POLR1D: variants seen among roughly 807,000 people sequenced by gnomAD.
POLR1D encodes the protein RNA polymerase I and III subunit D, also known as DNA-directed RNA polymerases I and III subunit RPAC2.
A neutral mutation model predicts 10.8 loss-of-function variants in POLR1D; 8 were observed. The observed-to-expected ratio is 0.74, with a 90% CI of 0.43 to 1.33. POLR1D has a LOEUF of 1.33. Among genes scored for constraint, POLR1D ranks in the 40% most tolerant of loss-of-function variants. The probability of loss-of-function intolerance (pLI) is 0.01; values close to 1 mark genes in which losing one functional copy is unlikely to be tolerated. For missense variants in POLR1D, 152 were observed against 161.7 expected (o/e 0.94, Z 0.32); for synonymous variants, 54 against 57.2 (o/e 0.94, Z 0.25).
At chr13:27,652,291 C>G (rs1430003126) in intron 2 of POLR1D, among the ~76,000 whole-genome samples, 1 of 152,214 alleles carries the variant, frequency 6.6e-6, no homozygotes, top group African/African-American at 2.4e-5. Flanking sequence ...ATAAAACTTT[C>G]TGATAGTAAA....
At chr13:27,649,431 T>C (rs1020054309) in intron 2 of POLR1D, among the ~76,000 whole-genome samples, 2 of 152,204 alleles carry the variant, frequency 1.3e-5, no homozygotes, top group African/African-American at 4.8e-5. Context: ...AATTTGACTA[T>C]ATTTCCAAAA....
In POLR1D at chr13:27,621,916, G is replaced by T. The variant is rs543808650; in HGVS notation, c.-68G>T. On this transcript the variant is annotated 5_prime_UTR_variant, in exon 1 of 2. Transcript: ENST00000302979. ...TCCTTGCTTCCTGCTTCGCCTCCGC[G>T]CCTCGCGCTATGGGACAGAGCCCCC... 2 of 1,524,054 alleles carry T rather than the reference G, an allele frequency of 1.3e-6. No homozygotes were observed. The highest frequency in any genetic ancestry group is 1.4e-5 in the African/African-American group (1 of 73,270). The allele number at this position is 1,524,054 out of a possible 1,614,324, so 94.4% of individuals were successfully genotyped here. A position where few individuals can be genotyped will look rare whatever the true frequency, so the allele number is the denominator to read the frequency against.
At chr13:27,651,383 C>T (rs1956266888) in intron 2 of POLR1D, 1 of 152,054 alleles carries the variant, frequency 6.6e-6, no homozygotes, top group African/African-American at 2.4e-5. Flanking sequence ...TCCAAACTAA[C>T]TGTAAAAAGT....
chr13:27,621,865 C>A, upstream of POLR1D: 2 of 1,073,036 alleles, frequency 1.9e-6, no homozygotes, highest in Admixed American at 2.0e-5. Flanking sequence ...TCCCTCCTTC[C>A]GTCCTCCGCG....
chr13:27,666,103 C>CA (rs1022703728), exon 3 of POLR1D: 35 of 680,882 alleles, frequency 5.1e-5, no homozygotes, highest in African/African-American at 9.0e-5. Flanking sequence ...TGGCCACAGG[C>CA]AAAAAAAATG....
downstream of POLR1D, among the ~76,000 whole-genome samples, chr13:27,625,102 G>A (rs1019819497): frequency 1.3e-5 from 2 of 152,146 alleles, no homozygotes; most frequent in Non-Finnish European, 2.9e-5. Flanking sequence ...GAAAACTGGT[G>A]GCATGAGGAA....
chr13:27,666,006 C>T, exon 3 of POLR1D: 10 of 1,556,002 alleles, frequency 6.4e-6, no homozygotes, highest in Non-Finnish European at 8.8e-6. Context: ...CTTCGGGGTG[C>T]GGTGTGCGGA....
chr13:27,634,050 A>C (rs1215782974), intron 1 of POLR1D, among the ~76,000 whole-genome samples: 1 of 152,144 alleles, frequency 6.6e-6, no homozygotes, highest in Admixed American at 6.5e-5. Flanking sequence ...TCTAGACTTG[A>C]TTCTACAGTT....
At chr13:27,665,409 A>G (rs1326987731) in intron 2 of POLR1D, 1 of 470,036 alleles carries the variant, frequency 2.1e-6, no homozygotes, top group Non-Finnish European at 3.9e-6. Flanking sequence ...AGTGTGGTCA[A>G]TACCTGTACA....
At chr13:27,654,632 T>C (rs750458634) in intron 2 of POLR1D, among the ~76,000 whole-genome samples, 35 of 152,234 alleles carry the variant, frequency 2.3e-4, no homozygotes, top group Non-Finnish European at 7.3e-5. Context: ...CCTTGAGGCC[T>C]CCATCATAAT....
chr13:27,623,763 C>T (rs1955978869), downstream of POLR1D, among the ~76,000 whole-genome samples: 1 of 152,084 alleles, frequency 6.6e-6, no homozygotes, highest in South Asian at 2.1e-4. Context: ...GATTGGTAGA[C>T]TTGGCAAGGG....
At position 27,657,044 on chromosome 13, in the gene POLR1D, G is replaced by A. The variant is rs150324930; in HGVS notation, c.101+8591G>A. Among the ~76,000 whole-genome samples, 1,317 of 152,242 alleles carry A rather than the reference G, an allele frequency of 8.7e-3. 8 individuals carry two copies. Among genetic ancestry groups the A allele is most frequent in the Non-Finnish European group, 0.013 (906 of 68,022 alleles). On this transcript the variant is annotated intron_variant, in intron 2 of 2. Coordinates refer to the POLR1D transcript ENST00000399697. ...AGGGAAGGCCATGGGACCCCGTAACGCATAAAGGTCTGTGAGAAGTTAGGC... is the reference window on the plus strand; with the variant it reads ...AGGGAAGGCCATGGGACCCCGTAACACATAAAGGTCTGTGAGAAGTTAGGC...
chr13:27,644,130 A>G (rs1439996231), intron 1 of POLR1D, among the ~76,000 whole-genome samples: 3 of 152,162 alleles, frequency 2.0e-5, no homozygotes, highest in African/African-American at 7.2e-5. Flanking sequence ...GGCTGACTCC[A>G]TCATTTTTGA....
At chr13:27,630,700 CACTT>C (rs1956064481) in intron 1 of POLR1D, among the ~76,000 whole-genome samples, 1 of 152,206 alleles carries the variant, frequency 6.6e-6, no homozygotes, top group Admixed American at 6.5e-5. Context: ...TGAAATAAAA[CACTT>C]AGCACAATTT....
At chr13:27,634,727 G>A (rs1956106154) in intron 1 of POLR1D, among the ~76,000 whole-genome samples, 1 of 149,028 alleles carries the variant, frequency 6.7e-6, no homozygotes, top group African/African-American at 2.5e-5. Context: ...CCAGGCTGGA[G>A]TGCAGTGGGG....
At chr13:27,624,892 A>T (rs558229971), downstream of POLR1D, among the ~76,000 whole-genome samples, 1 of 152,296 alleles carries the variant, frequency 6.6e-6, no homozygotes, top group Non-Finnish European at 1.5e-5. Context: ...TGTCTCAAAA[A>T]AATATATAAA....
At chr13:27,642,365 C>T (rs374106091) in intron 1 of POLR1D, among the ~76,000 whole-genome samples, 16 of 152,272 alleles carry the variant, frequency 1.1e-4, no homozygotes, top group Middle Eastern at 3.4e-3. Flanking sequence ...ACTAAGGATA[C>T]GTGTTGCTGT....
intron 2 of POLR1D, among the ~76,000 whole-genome samples, chr13:27,657,239 C>T (rs1051427029): frequency 2.0e-5 from 3 of 152,038 alleles, no homozygotes; most frequent in African/African-American, 7.2e-5. Context: ...TTTAAAAATA[C>T]AGATCTCCAG....
downstream of POLR1D, among the ~76,000 whole-genome samples, chr13:27,627,099 A>G (rs1380817496): frequency 6.6e-6 from 1 of 152,206 alleles, no homozygotes; most frequent in African/African-American, 2.4e-5. Context: ...AGCGTAATTT[A>G]GAGTCATTCT....
Sources: gnomAD v4.1 joint callset for allele counts (sites outside exome capture counted in the v4.1 genomes callset) on GRCh38, gnomAD v4.1.1 for gene constraint, MANE v1.5 for transcripts, NCBI Gene and HGNC (gene_info 2026-07-23, HGNC 2026-07-21) for gene names.